DNAH9: variants seen among roughly 807,000 people sequenced by gnomAD.
The protein encoded by DNAH9 is dynein axonemal heavy chain 9.
Under a neutral mutation model 471.6 loss-of-function variants are expected in DNAH9, and 345 were observed. The observed-to-expected ratio is 0.73, with a 90% CI of 0.67 to 0.80. DNAH9 has a LOEUF of 0.80. Among genes scored for constraint, DNAH9 ranks in the 30% least tolerant of loss-of-function variants. DNAH9 has a pLI of 0.00. For synonymous variants in DNAH9, 2,093 were observed against 2,123.6 expected, an observed-to-expected ratio of 0.99 and a Z score of 0.40; for missense variants, 5,407 against 5,609.2, an observed-to-expected ratio of 0.96 and a Z score of 1.15.
chr17:11,872,444 C>T (rs923823015), intron 52 of DNAH9, among the ~76,000 whole-genome samples: 3 of 149,612 alleles, frequency 2.0e-5, no homozygotes, highest in Admixed American at 1.4e-4. Flanking sequence ...TATACTTGGA[C>T]GCGAGCATCA....
At chr17:11,667,101 G>C (rs1049853754) in intron 15 of DNAH9, among the ~76,000 whole-genome samples, 1 of 152,160 alleles carries the variant, frequency 6.6e-6, no homozygotes. Context: ...AGAGATTACA[G>C]TCCCATGTCA....
intron 48 of DNAH9, among the ~76,000 whole-genome samples, chr17:11,831,334 AG>A (rs1249769699): frequency 1.3e-5 from 2 of 152,106 alleles, no homozygotes; most frequent in Non-Finnish European, 2.9e-5. Flanking sequence ...GCAAGAGAGG[AG>A]GCAAGAGAGA....
intron 67 of DNAH9, among the ~76,000 whole-genome samples, chr17:11,951,508 C>T (rs1952154138): frequency 6.6e-6 from 1 of 151,926 alleles, no homozygotes; most frequent in Non-Finnish European, 1.5e-5. Flanking sequence ...TGGCAAAATC[C>T]CATCTCTACT....
chr17:11,815,598 G>C (rs968079907), intron 45 of DNAH9, among the ~76,000 whole-genome samples: 1 of 152,098 alleles, frequency 6.6e-6, no homozygotes, highest in African/African-American at 2.4e-5. Flanking sequence ...AGGCCAACCT[G>C]GGCAACATGG....
At chr17:11,746,535 G>A (rs903848499) in intron 31 of DNAH9, among the ~76,000 whole-genome samples, 6 of 152,092 alleles carry the variant, frequency 3.9e-5, no homozygotes, top group South Asian at 2.1e-4. Context: ...ATCAGATCTC[G>A]TGAGAACTCA....
In DNAH9 at chr17:11,598,912, G is replaced by T; in HGVS notation, c.414G>T (p.Ser138=). ...APLEHLAALF[S]EVVLPVLANE... ...TGGAGCACCTAGCCGCGCTGTTCTC[G>T]GAGGTGAGGGTGGGTTAGTGTCCCC... The change falls in exon 1 of 69, where the codon TCG becomes TCT. Residue 138 remains serine (S), a synonymous_variant. Coordinates refer to ENST00000262442, the MANE Select transcript of DNAH9 (RefSeq NM_001372.4). 1 of 1,528,200 alleles carries T rather than the reference G, an allele frequency of 6.5e-7. No homozygotes were observed. The allele number at this position is 1,528,200 out of a possible 1,614,324, so 94.7% of individuals were successfully genotyped here. A position where few individuals can be genotyped will look rare whatever the true frequency, so the allele number is the denominator to read the frequency against.
rs1227385292 is a variant in DNAH9, at chr17:11,769,309, C to G, written c.7532C>G (p.Thr2511Ser). Residue 2511 changes from threonine to serine, a missense_variant, in exon 38 of 69, where the codon ACC becomes AGC. Physicochemically the swap from Thr to Ser is moderately conservative, Grantham distance 58. This residue lies in a region of DNAH9 where 4,636 missense variants were observed against 4,900.3 expected (regional missense o/e 0.95). Coordinates refer to ENST00000262442, the MANE Select transcript of DNAH9 (RefSeq NM_001372.4). The part of the protein sequence containing the change: ...LVKNVPFNYY[T>S]TSAMLQAVLE... ...AAAAACGTGCCATTCAACTACTACA[C>G]CACGTCAGCAATGCTGCAGGGTAAG... The G allele has an allele frequency of 1.9e-5, 31 of 1,613,114 alleles. No individual in the cohort carries two copies. Among genetic ancestry groups the G allele is most frequent in the Non-Finnish European group, 2.5e-5 (30 of 1,179,680 alleles).
At chr17:11,849,976 A>T (rs1368247251) in intron 49 of DNAH9, among the ~76,000 whole-genome samples, 1 of 152,190 alleles carries the variant, frequency 6.6e-6, no homozygotes, top group African/African-American at 2.4e-5. Context: ...CTCTGGGTAC[A>T]TGTGATACAT....
chr17:11,627,702 C>T (rs2072994167), intron 6 of DNAH9, among the ~76,000 whole-genome samples: 1 of 152,198 alleles, frequency 6.6e-6, no homozygotes, highest in African/African-American at 2.4e-5. Flanking sequence ...TCTTCCCTGC[C>T]TTGGCTGGTG....
chr17:11,921,306 T>A (rs1306545473), intron 61 of DNAH9, among the ~76,000 whole-genome samples: 1 of 151,440 alleles, frequency 6.6e-6, no homozygotes, highest in Non-Finnish European at 1.5e-5. Context: ...AAGAAAACAC[T>A]AGAAAAAATG....
rs11870017 is a variant in DNAH9, at chr17:11,847,065, T to G, written c.9508-6938T>G. On this transcript the variant is annotated intron_variant, in intron 49 of 68. Transcript: ENST00000262442. Reference sequence around the variant, plus strand: ...TGTTGAATAGGATTTAATGAGGTGGTTTTTTTCTTGTAAATTTAAGTTCCT... The same window carrying G: ...TGTTGAATAGGATTTAATGAGGTGGGTTTTTTCTTGTAAATTTAAGTTCCT... Among the ~76,000 whole-genome samples the G allele has an allele frequency of 1.1e-3, 171 of 152,280 alleles. 1 individual carries two copies. The highest frequency in any genetic ancestry group is 3.9e-3 in the African/African-American group (162 of 41,562).
At chr17:11,889,283 C>A (rs987393242) in intron 57 of DNAH9, among the ~76,000 whole-genome samples, 9 of 152,204 alleles carry the variant, frequency 5.9e-5, no homozygotes, top group African/African-American at 2.2e-4. Context: ...CAGCATTGGT[C>A]TCAAATCGGA....
chr17:11,826,018 C>T (rs953489718), intron 48 of DNAH9, among the ~76,000 whole-genome samples: 3 of 152,322 alleles, frequency 2.0e-5, no homozygotes, highest in Non-Finnish European at 2.9e-5. Context: ...CAAGGACTGA[C>T]AGCTGGTCAG....
intron 45 of DNAH9, among the ~76,000 whole-genome samples, chr17:11,817,176 C>T (rs1970129277): frequency 6.6e-6 from 1 of 152,222 alleles, no homozygotes; most frequent in South Asian, 2.1e-4. Context: ...AGTTCAGTTT[C>T]CTGCTTCCAG....
intron 68 of DNAH9, among the ~76,000 whole-genome samples, chr17:11,969,067 T>C (rs980639904): frequency 2.6e-5 from 4 of 152,202 alleles, no homozygotes; most frequent in Admixed American, 2.6e-4. Flanking sequence ...TTGTATATGA[T>C]AATAGCTTTT....
intron 35 of DNAH9, among the ~76,000 whole-genome samples, chr17:11,761,206 G>A (rs1486830583): frequency 6.6e-6 from 1 of 151,778 alleles, no homozygotes; most frequent in Non-Finnish European, 1.5e-5. Flanking sequence ...ACATACACAT[G>A]TGTGTTAGTC....
chr17:11,941,144 A>G (rs1425945663), intron 66 of DNAH9, among the ~76,000 whole-genome samples: 1 of 152,144 alleles, frequency 6.6e-6, no homozygotes, highest in Admixed American at 6.5e-5. Flanking sequence ...GCTCAGGGGA[A>G]ACTGGGCCCA....
intron 45 of DNAH9, among the ~76,000 whole-genome samples, chr17:11,811,722 G>A (rs1054656601): frequency 1.1e-4 from 16 of 151,978 alleles, no homozygotes; most frequent in Non-Finnish European, 1.9e-4. Context: ...CATATTTGGA[G>A]AAATCCCAAT....
Position 11,744,964 on chromosome 17 carries a change from G to C in DNAH9, c.6279G>C (p.Leu2093=). Residue 2093 remains leucine (L), a synonymous_variant, in exon 31 of 69, where the codon CTG becomes CTC. Coordinates refer to ENST00000262442, the MANE Select transcript of DNAH9 (RefSeq NM_001372.4). ...VTDDMPIFMG[L]IGDLFPALDV... is the part of the protein sequence containing the mutation. ...ATGACATGCCCATCTTCATGGGCCT[G>C]ATCGGGGACCTCTTTCCCGCCCTGG... The C allele has an allele frequency of 6.2e-7, 1 of 1,614,176 alleles. No homozygotes were observed. Among genetic ancestry groups the C allele is most frequent in the South Asian group, 1.1e-5 (1 of 91,084 alleles).
Sources: allele counts gnomAD v4.1 joint callset (sites outside exome capture counted in the v4.1 genomes callset), GRCh38; gene constraint gnomAD v4.1.1; regional missense constraint gnomAD v4.1.1; transcripts MANE v1.5; gene names NCBI Gene and HGNC (gene_info 2026-07-23, HGNC 2026-07-21).